The following MTURN variants were observed in gnomAD, a reference collection of about 807,000 sequenced individuals.
MTURN encodes the protein maturin.
In MTURN, 7 loss-of-function variants were observed where a neutral mutation model predicts 14.9. The observed-to-expected ratio is 0.47, with a 90% CI of 0.27 to 0.88. The LOEUF (loss-of-function observed/expected upper bound fraction) is 0.88, where lower values mean the gene tolerates loss of function less well. Ranked by LOEUF, MTURN falls within the 40% of genes least tolerant of loss-of-function variation. MTURN has a pLI of 0.14. For missense variants in MTURN, 151 were observed against 174.1 expected (o/e 0.87, Z 0.75); for synonymous variants, 69 against 72.5 (o/e 0.95, Z 0.25).
chr7:30,151,573 C>G (rs768988394), intron 2 of MTURN, among the ~76,000 whole-genome samples: 43 of 152,200 alleles, frequency 2.8e-4, no homozygotes, highest in Non-Finnish European at 5.1e-4. Flanking sequence ...TGAAACTAGA[C>G]TTTATCTTTG....
At chr7:30,138,559 C>T (rs1797001854) in intron 1 of MTURN, among the ~76,000 whole-genome samples, 1 of 152,090 alleles carries the variant, frequency 6.6e-6, no homozygotes, top group South Asian at 2.1e-4. Context: ...CCTAATTTGT[C>T]TCCTTGCTTA....
intron 1 of MTURN, among the ~76,000 whole-genome samples, chr7:30,139,146 C>G (rs1016329579): frequency 6.6e-6 from 1 of 152,168 alleles, no homozygotes; most frequent in Non-Finnish European, 1.5e-5. Context: ...GTGCTCAGTA[C>G]ATATCTATAA....
intron 2 of MTURN, among the ~76,000 whole-genome samples, chr7:30,156,179 T>G (rs1208743177): frequency 1.3e-5 from 2 of 152,154 alleles, no homozygotes; most frequent in Admixed American, 1.3e-4. Flanking sequence ...GGCACTTGGT[T>G]TCTAACCAAA....
intron 2 of MTURN, among the ~76,000 whole-genome samples, chr7:30,154,514 GT>G (rs759760393): frequency 3.1e-4 from 47 of 152,278 alleles, no homozygotes; most frequent in Admixed American, 1.4e-3. Flanking sequence ...AGGCTCCATA[GT>G]TTGCAGATCA....
At chr7:30,152,983 G>A (rs1036897207) in intron 2 of MTURN, among the ~76,000 whole-genome samples, 2 of 152,116 alleles carry the variant, frequency 1.3e-5, no homozygotes, top group African/African-American at 4.8e-5. Flanking sequence ...TAACTCTCTT[G>A]TCCAGAGTGA....
At chr7:30,150,403 C>T (rs1366082661) in intron 2 of MTURN, among the ~76,000 whole-genome samples, 1 of 152,176 alleles carries the variant, frequency 6.6e-6, no homozygotes, top group East Asian at 1.9e-4. Context: ...GGTAAAATTA[C>T]AAGCATTCAC....
At chr7:30,148,298 T>A (rs1474365235) in intron 2 of MTURN, among the ~76,000 whole-genome samples, 1 of 152,202 alleles carries the variant, frequency 6.6e-6, no homozygotes, top group Admixed American at 6.5e-5. Flanking sequence ...GCCTCGGGGT[T>A]GGACAACACC....
chr7:30,140,415 G>GTGTGTGTGTGTGTATATATATATATA (rs33952294), intron 1 of MTURN, among the ~76,000 whole-genome samples: 10 of 143,814 alleles, frequency 7.0e-5, no homozygotes, highest in South Asian at 2.3e-4. Flanking sequence ...GTGTGTGTGT[G>GTGTGTGTGTGTGTATATATATATATA]TATCCCCATT....
At chr7:30,149,775 C>T (rs1169209804) in intron 2 of MTURN, among the ~76,000 whole-genome samples, 2 of 152,154 alleles carry the variant, frequency 1.3e-5, no homozygotes, top group African/African-American at 2.4e-5. Context: ...ACATCATTTC[C>T]CTGAAAATAC....
chr7:30,150,501 G>A (rs913879906), intron 2 of MTURN, among the ~76,000 whole-genome samples: 6 of 152,242 alleles, frequency 3.9e-5, no homozygotes, highest in African/African-American at 7.2e-5. Context: ...AGAGGGGCAC[G>A]TGGCCAAAGC....
intron 2 of MTURN, among the ~76,000 whole-genome samples, chr7:30,151,318 T>A (rs1343684781): frequency 6.6e-6 from 1 of 152,186 alleles, no homozygotes; most frequent in African/African-American, 2.4e-5. Flanking sequence ...CTTTGGTAAG[T>A]GTGAGTTGGA....
At chr7:30,149,738 A>G (rs1462898193) in intron 2 of MTURN, among the ~76,000 whole-genome samples, 1 of 152,218 alleles carries the variant, frequency 6.6e-6, no homozygotes, top group Non-Finnish European at 1.5e-5. Context: ...CCCAAATGCT[A>G]CAGGTTATCA....
intron 1 of MTURN, among the ~76,000 whole-genome samples, chr7:30,139,546 A>C (rs1358706071): frequency 6.6e-6 from 1 of 152,168 alleles, no homozygotes; most frequent in Non-Finnish European, 1.5e-5. Context: ...AGATATTATT[A>C]TTCCCACTTT....
intron 1 of MTURN, chr7:30,137,353 A>G: frequency 3.2e-6 from 1 of 311,808 alleles, no homozygotes; most frequent in Non-Finnish European, 6.4e-6. Flanking sequence ...AAATGACTCC[A>G]AAGACAGTAA....
chr7:30,160,817 G>GC lies in MTURN; in HGVS notation c.*3273dup, dbSNP rs1489105837. ...GTACGGAGCCAGGGAGGGAGGTGAG[G>GC]CCCCGTGTAGTGCCTGTCACCACTG... On this transcript the variant is annotated 3_prime_UTR_variant, in exon 3 of 3. Transcript: ENST00000324453. 1 of 152,274 alleles carries GC rather than the reference G, an allele frequency of 6.6e-6. No individual in the cohort carries two copies. The highest frequency in any genetic ancestry group is 1.9e-4 in the East Asian group (1 of 5,174). The allele number at this position is 152,274 out of a possible 1,614,324, so 9.4% of individuals were successfully genotyped here.
At position 30,142,388 on chromosome 7, in the gene MTURN, G is replaced by A. The variant is rs189476483; in HGVS notation, c.163-3789G>A. 1.4e-4 allele frequency among the ~76,000 whole-genome samples: 22 copies of A among 152,256 alleles called. No individual in the cohort carries two copies. The East Asian group carries it at 3.9e-3, about 27-fold the overall frequency. On this transcript the variant is annotated intron_variant, in intron 1 of 2. Coordinates refer to ENST00000324453, the MANE Select transcript of MTURN (RefSeq NM_152793.3). ...TGAGATTTGGAGCTGGCTATAGTCAGTAATGGCAATTGCTGTAGTTCTCCC... is the reference window on the plus strand; with the variant it reads ...TGAGATTTGGAGCTGGCTATAGTCAATAATGGCAATTGCTGTAGTTCTCCC...
chr7:30,144,559 A>G (rs548926271), intron 1 of MTURN, among the ~76,000 whole-genome samples: 12 of 152,336 alleles, frequency 7.9e-5, no homozygotes, highest in African/African-American at 2.9e-4. Flanking sequence ...CGCTAAAGCT[A>G]GAGAGCCCAG....
At position 30,159,178 on chromosome 7, in the gene MTURN, A is replaced by G. The variant is rs58366209; in HGVS notation, c.*1630A>G. 2.3e-3 allele frequency: 356 copies of G among 152,334 alleles called. 2 individuals carry two copies. Among genetic ancestry groups the G allele is most frequent in the African/African-American group, 7.6e-3 (314 of 41,566 alleles). The allele number at this position is 152,334 out of a possible 1,614,324, so 9.4% of individuals were successfully genotyped here. A position where few individuals can be genotyped will look rare whatever the true frequency, so the allele number is the denominator to read the frequency against. ...TCTTGAAAAGTCATACTAAAGGTTA[A>G]TTTCAAGTAAAATGAATTTCCTTCC... On this transcript the variant is annotated 3_prime_UTR_variant, in exon 3 of 3. Transcript: ENST00000324453.
intron 2 of MTURN, 44 bp from the exon 3 acceptor site, chr7:30,157,394 C>A (rs374092912): frequency 6.7e-7 from 1 of 1,501,666 alleles, no homozygotes; most frequent in South Asian, 1.3e-5. Flanking sequence ...GCCTGTGGGC[C>A]ATTTGGCGCT....
Sources: allele counts gnomAD v4.1 joint callset (sites outside exome capture counted in the v4.1 genomes callset), GRCh38; gene constraint gnomAD v4.1.1; transcripts MANE v1.5; gene names NCBI Gene and HGNC (gene_info 2026-07-23, HGNC 2026-07-21).